The following TMPPE variants were observed in gnomAD, a reference collection of about 807,000 sequenced individuals.
TMPPE encodes transmembrane protein with metallophosphoesterase domain.
A neutral mutation model predicts 22.6 loss-of-function variants in TMPPE; 16 were observed. The ratio of observed to expected loss-of-function variants is 0.71; its 90% confidence interval spans 0.48 to 1.08. The LOEUF is 1.08. Among genes scored for constraint, TMPPE ranks in the 50% least tolerant of loss-of-function variants. The pLI is 0.00. For synonymous variants in TMPPE, 240 were observed against 245.3 expected (o/e 0.98, Z 0.20); for missense variants, 526 against 584.3 (o/e 0.90, Z 1.03).
rs1045278438 is a variant in TMPPE, at chr3:33,091,018, C to G, written c.*1816G>C. Reference sequence around the variant, plus strand: ...AAATCAAGAAACCAGTGAAATAACACGTAACAGGTGAGTCAAACATTACCA... The same window carrying G: ...AAATCAAGAAACCAGTGAAATAACAGGTAACAGGTGAGTCAAACATTACCA... On this transcript the variant is annotated 3_prime_UTR_variant, in exon 2 of 2. Coordinates refer to ENST00000342462, the MANE Select transcript of TMPPE (RefSeq NM_001039770.3). 3.0e-6 allele frequency: 3 copies of G among 985,150 alleles called. No homozygotes were observed. The East Asian group carries it at 3.4e-4, about 112-fold the overall frequency. 61.0% of individuals were successfully genotyped at this position (985,150 alleles called of 1,614,324 possible). A position where few individuals can be genotyped will look rare whatever the true frequency, so the allele number is the denominator to read the frequency against.
Position 33,091,717 on chromosome 3 carries a change from G to T in TMPPE, c.*1117C>A. On this transcript the variant is annotated 3_prime_UTR_variant, in exon 2 of 2. Transcript: ENST00000342462. Reference sequence around the variant, plus strand: ...AGTCACCCACCCAACGCTGCCCTATGAGTGAGCAGCAGGGTTAGCCTCTCC... The same window carrying T: ...AGTCACCCACCCAACGCTGCCCTATTAGTGAGCAGCAGGGTTAGCCTCTCC... 1.0e-6 allele frequency: 1 copy of T among 985,356 alleles called. No individual in the cohort carries two copies. The highest frequency in any genetic ancestry group is 1.2e-6 in the Non-Finnish European group (1 of 829,892). The allele number at this position is 985,356 out of a possible 1,614,324, so 61.0% of individuals were successfully genotyped here. A position where few individuals can be genotyped will look rare whatever the true frequency, so the allele number is the denominator to read the frequency against.
Position 33,091,735 on chromosome 3 carries a change from G to T in TMPPE, c.*1099C>A, listed in dbSNP as rs956313632. On this transcript the variant is annotated 3_prime_UTR_variant, in exon 2 of 2. Transcript: ENST00000342462. Reference sequence around the variant, plus strand: ...GCCCTATGAGTGAGCAGCAGGGTTAGCCTCTCCAGTCAGAGCGAGTGTCTT... The same window carrying T: ...GCCCTATGAGTGAGCAGCAGGGTTATCCTCTCCAGTCAGAGCGAGTGTCTT... 2 of 985,302 alleles carry T rather than the reference G, an allele frequency of 2.0e-6. No homozygotes were observed. Among genetic ancestry groups the T allele is most frequent in the Non-Finnish European group, 2.4e-6 (2 of 829,958 alleles). The allele number at this position is 985,302 out of a possible 1,614,324, so 61.0% of individuals were successfully genotyped here.
In TMPPE at chr3:33,092,615, G is replaced by A. The variant is rs757811652; in HGVS notation, c.*219C>T. ...ATATGTGACCTTAGTGATCTCACAA[G>A]TGCATCAAAAAAAGCAACTGGCCAA... On this transcript the variant is annotated 3_prime_UTR_variant, in exon 2 of 2. Transcript: ENST00000342462. 77 of 1,360,840 alleles carry A rather than the reference G, an allele frequency of 5.7e-5. No individual in the cohort carries two copies. Among genetic ancestry groups the A allele is most frequent in the Non-Finnish European group, 7.3e-5 (77 of 1,057,766 alleles). 84.3% of individuals were successfully genotyped at this position (1,360,840 alleles called of 1,614,324 possible).
intron 1 of TMPPE, 97 bp from the exon 2 acceptor site, chr3:33,094,400 G>T: frequency 7.6e-7 from 1 of 1,322,026 alleles, no homozygotes; most frequent in Non-Finnish European, 9.8e-7. Context: ...AACCCACCTT[G>T]AATCCAAGCT....
chr3:33,095,852 A>G (rs1381745598), intron 1 of TMPPE, among the ~76,000 whole-genome samples: 1 of 152,148 alleles, frequency 6.6e-6, no homozygotes, highest in Non-Finnish European at 1.5e-5. Flanking sequence ...CTAAGGTCCT[A>G]CGGGCCTTCT....
rs753218591 is a variant in TMPPE, at chr3:33,092,805, A to G, written c.*29T>C. The G allele has an allele frequency of 6.4e-7, 1 of 1,555,952 alleles. No individual in the cohort carries two copies. The highest frequency in any genetic ancestry group is 1.2e-5 in the South Asian group (1 of 82,316). ...AGGATGGAGGGTCGAGGACAAGGGC[A>G]GGGCAGAGGTGCACAGGGCAGGGCC... On this transcript the variant is annotated 3_prime_UTR_variant, in exon 2 of 2. Coordinates refer to ENST00000342462, the MANE Select transcript of TMPPE (RefSeq NM_001039770.3).
At position 33,093,395 on chromosome 3, in the gene TMPPE, T is replaced by C. The variant is rs1295221013; in HGVS notation, c.801A>G (p.Ser267=). Residue 267 remains serine, a synonymous_variant, in exon 2 of 2, where the codon TCA becomes TCG. Coordinates refer to ENST00000342462, the MANE Select transcript of TMPPE (RefSeq NM_001039770.3). This position sits in a 1 kb window ranked among gnomAD's most constrained non-coding sequence, Gnocchi z 6.0. ...TAVAPLGQLH[S]HLGAYFVTGN... ...CTGTGACGAAGTAGGCACCGAGATG[T>C]GAATGAAGCTGGCCCAGAGGAGCGA... is the stretch of plus-strand genomic sequence containing the variant. The C allele has an allele frequency of 6.2e-7, 1 of 1,613,650 alleles. No homozygotes were observed.
intron 1 of TMPPE, among the ~76,000 whole-genome samples, chr3:33,095,885 T>C (rs1030455342): frequency 1.3e-5 from 2 of 152,200 alleles, no homozygotes; most frequent in African/African-American, 4.8e-5. Context: ...TCTGTCTACA[T>C]ACTGGGGTAG....
At chr3:33,095,210 C>CAAAAAAA (rs71630565) in intron 1 of TMPPE, among the ~76,000 whole-genome samples, 2 of 75,888 alleles carry the variant, frequency 2.6e-5, no homozygotes, top group African/African-American at 5.5e-5. Flanking sequence ...GACTCTGTCT[C>CAAAAAAA]AAAAAAAAAA....
chr3:33,091,147 G>A lies in TMPPE; in HGVS notation c.*1687C>T. On this transcript the variant is annotated 3_prime_UTR_variant, in exon 2 of 2. Transcript: ENST00000342462. Reference sequence around the variant, plus strand: ...AGGATGATTCACAAAATGCGGTCGGGACACAAGAAAAGTGAGTTTGGAAGG... The same window carrying A: ...AGGATGATTCACAAAATGCGGTCGGAACACAAGAAAAGTGAGTTTGGAAGG... 1.0e-6 allele frequency: 1 copy of A among 985,378 alleles called. No individual in the cohort carries two copies. Among genetic ancestry groups the A allele is most frequent in the Non-Finnish European group, 1.2e-6 (1 of 829,928 alleles). The allele number at this position is 985,378 out of a possible 1,614,324, so 61.0% of individuals were successfully genotyped here. A position where few individuals can be genotyped will look rare whatever the true frequency, so the allele number is the denominator to read the frequency against.
At chr3:33,094,340 TAG>T in intron 1 of TMPPE, 37 bp from the exon 2 acceptor site, 1 of 1,454,006 alleles carries the variant, frequency 6.9e-7, no homozygotes, top group Non-Finnish European at 9.1e-7. Flanking sequence ...TGTGGGATAT[TAG>T]AGTGTCCTTG....
intron 1 of TMPPE, 146 bp downstream of exon 1, chr3:33,096,573 G>T (rs1701038267): frequency 1.9e-6 from 2 of 1,028,950 alleles, no homozygotes. Context: ...GGCCTCTCCT[G>T]ACCCCATTTT....
chr3:33,090,936 A>G lies in TMPPE; in HGVS notation c.*1898T>C. On this transcript the variant is annotated 3_prime_UTR_variant, in exon 2 of 2. Transcript: ENST00000342462. ...GTAAGGATGCAAAATTAAAAAAAAA[A>G]TAGGACTTAATGAAAGCTAATTTCA... 1.0e-6 allele frequency: 1 copy of G among 985,414 alleles called. No homozygotes were observed. The highest frequency in any genetic ancestry group is 1.2e-6 in the Non-Finnish European group (1 of 829,906). The allele number at this position is 985,414 out of a possible 1,614,324, so 61.0% of individuals were successfully genotyped here. A position where few individuals can be genotyped will look rare whatever the true frequency, so the allele number is the denominator to read the frequency against.
rs1422180861 is a variant in TMPPE at position 33,093,668 on chromosome 3, G to A, written c.528C>T (p.Leu176=). 1 of 1,614,090 alleles carries A rather than the reference G, an allele frequency of 6.2e-7. No homozygotes were observed. The highest frequency in any genetic ancestry group is 1.1e-5 in the South Asian group (1 of 91,072). Residue 176 remains leucine (L), a synonymous_variant, in exon 2 of 2, where the codon CTC becomes CTT. Transcript: ENST00000342462. The surrounding 1 kb of genome is among the most constrained non-coding windows in gnomAD (Gnocchi z 6.0). ...PALAVGVTAV[L]SVAGILNAAQ... ...CGGCATTCAGAATCCCGGCCACGCT[G>A]AGCACAGCAGTCACTCCCACTGCCA...
rs1575502057 is a variant in TMPPE, at chr3:33,093,931, C to T, written c.265G>A (p.Val89Ile). Residue 89 changes from valine to isoleucine, a missense_variant, in exon 2 of 2, where the codon GTT (valine) becomes ATT (isoleucine). Coordinates refer to ENST00000342462, the MANE Select transcript of TMPPE (RefSeq NM_001039770.3). The surrounding 1 kb of genome is among the most constrained non-coding windows in gnomAD (Gnocchi z 6.0). ...TGGGCCAGGGCCAGAAATGCCAGAA[C>T]CACCACCTTCCAAAGCTGAAAACAG... is the stretch of plus-strand genomic sequence containing the variant. Reference protein sequence around the residue: ...STCFQLWKVVVLAFLALAHSS... With the variant: ...STCFQLWKVVILAFLALAHSS... 6.2e-7 allele frequency: 1 copy of T among 1,614,014 alleles called. No individual in the cohort carries two copies. The highest frequency in any genetic ancestry group is 1.7e-5 in the Admixed American group (1 of 59,998).
intron 1 of TMPPE, among the ~76,000 whole-genome samples, chr3:33,094,714 A>T (rs1160757245): frequency 6.6e-6 from 1 of 152,172 alleles, no homozygotes. Flanking sequence ...GCTATGTGAC[A>T]TGTGATATGG....
In TMPPE at chr3:33,097,044, A is replaced by G. The variant is rs2125591563; in HGVS notation, c.-434T>C. Reference sequence around the variant, plus strand: ...CGCGCGTAGGGCCCAGAAGCAGCAGAACCAGCAACAGAGGGAGGATGCGAA... The same window carrying G: ...CGCGCGTAGGGCCCAGAAGCAGCAGGACCAGCAACAGAGGGAGGATGCGAA... On this transcript the variant is annotated 5_prime_UTR_variant, in exon 1 of 2. Coordinates refer to ENST00000342462, the MANE Select transcript of TMPPE (RefSeq NM_001039770.3). The G allele has an allele frequency of 6.2e-7, 1 of 1,612,464 alleles. No homozygotes were observed. Among genetic ancestry groups the G allele is most frequent in the Non-Finnish European group, 8.5e-7 (1 of 1,179,036 alleles).
Position 33,093,987 on chromosome 3 carries a change from T to G in TMPPE, c.209A>C (p.Asn70Thr), listed in dbSNP as rs748823169. ...SLYIWRSTVS[N>T]LCHSPAAEST... ...CTCTGCAGCTGGGGAGTGGCAGAGG[T>G]TGCTCACTGTGCTGCGCCAAATGTA... The change falls in exon 2 of 2, where the codon AAC becomes ACC. Residue 70 changes from asparagine to threonine, a missense_variant. Coordinates refer to ENST00000342462, the MANE Select transcript of TMPPE (RefSeq NM_001039770.3). This position sits in a 1 kb window ranked among gnomAD's most constrained non-coding sequence, Gnocchi z 6.0. The G allele has an allele frequency of 1.2e-6, 2 of 1,614,028 alleles. No homozygotes were observed. The highest frequency in any genetic ancestry group is 1.7e-6 in the Non-Finnish European group (2 of 1,179,984).
chr3:33,096,313 C>G (rs1349446156), intron 1 of TMPPE: 2 of 890,380 alleles, frequency 2.2e-6, no homozygotes, highest in Non-Finnish European at 2.7e-6. Flanking sequence ...TCCTCTCCCA[C>G]CAACTGTGCA....
Sources: allele counts gnomAD v4.1 joint callset (sites outside exome capture counted in the v4.1 genomes callset), GRCh38; gene constraint gnomAD v4.1.1; non-coding constraint Gnocchi (gnomAD v3.1); transcripts MANE v1.5; gene names NCBI Gene and HGNC (gene_info 2026-07-23, HGNC 2026-07-21).